HACD2: variants seen among roughly 807,000 people sequenced by gnomAD.
The protein encoded by HACD2 is 3-hydroxyacyl-CoA dehydratase 2.
In HACD2, 15 loss-of-function variants were observed where a neutral mutation model predicts 31.0. The observed-to-expected ratio is 0.48, with a 90% CI of 0.32 to 0.75. The LOEUF (loss-of-function observed/expected upper bound fraction) is 0.75. Among genes scored for constraint, HACD2 ranks in the 30% least tolerant of loss-of-function variants. The probability of loss-of-function intolerance (pLI) is 0.03; values close to 1 mark genes in which losing one functional copy is unlikely to be tolerated. For missense variants in HACD2, 283 were observed against 313.0 expected, an observed-to-expected ratio of 0.90 and a Z score of 0.72; for synonymous variants, 115 against 122.2, an observed-to-expected ratio of 0.94 and a Z score of 0.39.
intron 4 of HACD2, among the ~76,000 whole-genome samples, chr3:123,513,971 A>C (rs1281968263): frequency 6.6e-6 from 1 of 152,082 alleles, no homozygotes; most frequent in Non-Finnish European, 1.5e-5. Flanking sequence ...AATAAATGAT[A>C]ATGCATATAA....
In HACD2 at chr3:123,527,250, G is replaced by A. The variant is rs115798863; in HGVS notation, c.381+1136C>T. ...AAGTATGAGAGGAAGAAATATCGCA[G>A]TCCTTGCTTATCTGAAGTTTCACTT... On this transcript the variant is annotated intron_variant, in intron 4 of 6. Coordinates refer to ENST00000383657, the MANE Select transcript of HACD2 (RefSeq NM_198402.5). 3.7e-3 allele frequency among the ~76,000 whole-genome samples: 560 copies of A among 152,330 alleles called. 3 individuals are homozygous for A. The highest frequency in any genetic ancestry group is 0.013 in the African/African-American group (533 of 41,580).
At chr3:123,542,619 A>G (rs547747784) in intron 3 of HACD2, among the ~76,000 whole-genome samples, 1 of 152,402 alleles carries the variant, frequency 6.6e-6, no homozygotes, top group East Asian at 1.9e-4. Context: ...AAGAGTGTAT[A>G]TATCGACACA....
intron 3 of HACD2, among the ~76,000 whole-genome samples, chr3:123,547,041 T>C (rs1339285764): frequency 6.6e-6 from 1 of 152,204 alleles, no homozygotes; most frequent in Non-Finnish European, 1.5e-5. Flanking sequence ...ACATGTAGTA[T>C]TCATGAACAT....
At position 123,504,422 on chromosome 3, in the gene HACD2, T is replaced by C. The variant is rs983619102; in HGVS notation, c.382-1741A>G. 2.6e-5 allele frequency among the ~76,000 whole-genome samples: 4 copies of C among 152,148 alleles called. No homozygotes were observed. The East Asian group carries it at 5.8e-4, about 22-fold the overall frequency. On this transcript the variant is annotated intron_variant, in intron 4 of 6. Transcript: ENST00000383657. The stretch of plus-strand genomic sequence containing the variant: ...TTTTCACAAGTAAGAGCTCAATAAA[T>C]AATTGCGGAGCAAATGAATTCAGTC...
chr3:123,584,782 G>T (rs965709332), intron 1 of HACD2, 91 bp downstream of exon 1: 19 of 1,059,624 alleles, frequency 1.8e-5, no homozygotes, highest in Non-Finnish European at 2.4e-5. Flanking sequence ...TGCCTGCGGC[G>T]GGCCGCGCCG....
intron 3 of HACD2, among the ~76,000 whole-genome samples, chr3:123,558,225 A>G (rs1014985591): frequency 6.6e-6 from 1 of 152,246 alleles, no homozygotes; most frequent in Non-Finnish European, 1.5e-5. Context: ...CCATGGAGAC[A>G]GTGGAAAGAT....
intron 3 of HACD2, among the ~76,000 whole-genome samples, chr3:123,537,610 C>G (rs1041711710): frequency 6.6e-6 from 1 of 150,614 alleles, no homozygotes. Flanking sequence ...CACACACACA[C>G]GGTAAAAAAA....
intron 2 of HACD2, among the ~76,000 whole-genome samples, chr3:123,575,080 T>G (rs1340784937): frequency 2.6e-5 from 4 of 151,912 alleles, no homozygotes; most frequent in Non-Finnish European, 5.9e-5. Flanking sequence ...ATGTGCCTAT[T>G]TAAACTTAAA....
chr3:123,527,401 G>C (rs1348090967), intron 4 of HACD2, among the ~76,000 whole-genome samples: 1 of 152,164 alleles, frequency 6.6e-6, no homozygotes, highest in African/African-American at 2.4e-5. Context: ...ATCTCATGCT[G>C]TCCCACTCTA....
chr3:123,549,444 C>T (rs1326518836), intron 3 of HACD2, among the ~76,000 whole-genome samples: 1 of 152,072 alleles, frequency 6.6e-6, no homozygotes, highest in Non-Finnish European at 1.5e-5. Context: ...AGAAGAGCCA[C>T]CATCAAAAGC....
At chr3:123,584,758 C>G in intron 1 of HACD2, 115 bp downstream of exon 1, 1 of 828,040 alleles carries the variant, frequency 1.2e-6, no homozygotes, top group Non-Finnish European at 1.7e-6. Flanking sequence ...GGGCACCCCC[C>G]GCCGGGAATG....
intron 4 of HACD2, among the ~76,000 whole-genome samples, chr3:123,526,033 T>C (rs775163471): frequency 6.6e-5 from 10 of 152,090 alleles, no homozygotes; most frequent in Admixed American, 1.3e-4. Flanking sequence ...CAGGGAACAG[T>C]TGACAGAGAG....
intron 6 of HACD2, among the ~76,000 whole-genome samples, chr3:123,497,603 T>C (rs2055849421): frequency 1.3e-5 from 2 of 152,322 alleles, no homozygotes; most frequent in Non-Finnish European, 2.9e-5. Context: ...ATCTTGCCCT[T>C]TTTTGGCTCC....
intron 2 of HACD2, among the ~76,000 whole-genome samples, chr3:123,580,346 C>A (rs1020661573): frequency 2.0e-5 from 3 of 152,080 alleles, no homozygotes; most frequent in African/African-American, 7.2e-5. Flanking sequence ...CACGGTAGTG[C>A]ACGCCTGTGG....
chr3:123,546,933 T>A (rs1223209428), intron 3 of HACD2, among the ~76,000 whole-genome samples: 1 of 152,130 alleles, frequency 6.6e-6, no homozygotes, highest in Non-Finnish European at 1.5e-5. Flanking sequence ...TGGTAAACAA[T>A]CTTCTGAATC....
intron 3 of HACD2, among the ~76,000 whole-genome samples, chr3:123,560,545 C>T (rs2056716927): frequency 2.0e-5 from 3 of 152,146 alleles, no homozygotes; most frequent in Admixed American, 6.5e-5. Context: ...CCCCTGCCAT[C>T]ACCACCACTA....
intron 4 of HACD2, among the ~76,000 whole-genome samples, chr3:123,517,834 A>C (rs962240503): frequency 6.6e-6 from 1 of 152,234 alleles, no homozygotes; most frequent in Non-Finnish European, 1.5e-5. Context: ...CTTGGACCAG[A>C]AATATCAAAA....
intron 4 of HACD2, among the ~76,000 whole-genome samples, chr3:123,503,670 A>G (rs2055935806): frequency 6.7e-6 from 1 of 149,060 alleles, no homozygotes; most frequent in Admixed American, 6.9e-5. Flanking sequence ...TCAGCAAGAA[A>G]CACCCTTGCA....
intron 2 of HACD2, among the ~76,000 whole-genome samples, chr3:123,579,461 TAA>T (rs879847756): frequency 6.9e-6 from 1 of 145,580 alleles, no homozygotes. Context: ...CCAGCCCAGC[TAA>T]AAAAAAAAAA....
Sources: gnomAD v4.1 joint callset for allele counts (sites outside exome capture counted in the v4.1 genomes callset) on GRCh38, gnomAD v4.1.1 for gene constraint, MANE v1.5 for transcripts, NCBI Gene and HGNC (gene_info 2026-07-23, HGNC 2026-07-21) for gene names.